The following ADGRL2 variants were observed in gnomAD, a reference collection of about 807,000 sequenced individuals.
ADGRL2 encodes the protein calcium-independent alpha-latrotoxin receptor 2.
Under a neutral mutation model 157.4 loss-of-function variants are expected in ADGRL2, and 44 were observed. That is an observed-to-expected ratio of 0.28 (90% CI 0.22 to 0.36). The LOEUF is 0.36. ADGRL2 is among the 10% of genes least tolerant of loss of function. ADGRL2 has a pLI of 1.00. For missense variants in ADGRL2, 1,510 were observed against 1,768.9 expected, an observed-to-expected ratio of 0.85 and a Z score of 2.63; for synonymous variants, 585 against 624.7, an observed-to-expected ratio of 0.94 and a Z score of 0.95.
chr1:81,491,063 A>G (rs1277076058), intron 2 of ADGRL2, among the ~76,000 whole-genome samples: 2 of 152,210 alleles, frequency 1.3e-5, no homozygotes, highest in East Asian at 1.9e-4. Context: ...AAATGTTTCC[A>G]GTAACCATTA....
chr1:81,659,256 T>A (rs1446772916), intron 3 of ADGRL2, among the ~76,000 whole-genome samples: 2 of 151,914 alleles, frequency 1.3e-5, no homozygotes, highest in Non-Finnish European at 2.9e-5. Context: ...AGAGACAGGT[T>A]TCACTATGTT....
intron 2 of ADGRL2, chr1:81,503,353 G>C (rs1026361920): frequency 1.2e-6 from 2 of 1,613,898 alleles, no homozygotes; most frequent in African/African-American, 2.7e-5. Flanking sequence ...CACGGGGTCT[G>C]CTCCCCAGAG....
intron 1 of ADGRL2, among the ~76,000 whole-genome samples, chr1:81,393,004 G>C (rs1360341481): frequency 6.6e-6 from 1 of 151,986 alleles, no homozygotes; most frequent in East Asian, 1.9e-4. Context: ...ACACTCTTTT[G>C]ATTGTTTGAT....
intron 1 of ADGRL2, among the ~76,000 whole-genome samples, chr1:81,813,618 G>C (rs536402133): frequency 6.6e-6 from 1 of 151,652 alleles, no homozygotes; most frequent in Admixed American, 6.6e-5. Context: ...TATTTCAATA[G>C]GATTAAGATG....
At chr1:81,888,285 T>G (rs2094174315) in intron 2 of ADGRL2, among the ~76,000 whole-genome samples, 1 of 152,218 alleles carries the variant, frequency 6.6e-6, no homozygotes, top group South Asian at 2.1e-4. Context: ...GAATTGAGTT[T>G]CACTTTAGTA....
intron 3 of ADGRL2, among the ~76,000 whole-genome samples, chr1:81,628,046 T>C (rs986559629): frequency 6.6e-6 from 1 of 152,172 alleles, no homozygotes; most frequent in African/African-American, 2.4e-5. Flanking sequence ...GCTCTTTCAA[T>C]GTCACCTTCA....
chr1:81,815,841 T>G (rs2090344892), intron 1 of ADGRL2, among the ~76,000 whole-genome samples: 1 of 151,402 alleles, frequency 6.6e-6, no homozygotes, highest in African/African-American at 2.4e-5. Context: ...AAAATTAGAA[T>G]AGATTTAAAA....
rs775957523 is a variant in ADGRL2, at chr1:81,993,216, A to C, written c.*2071A>C. On this transcript the variant is annotated 3_prime_UTR_variant, in exon 24 of 24. Transcript: ENST00000686636. ...TCCCAGGTTCTCAAACAGATTTAAC[A>C]ATCCTCTGAGAATGGTACTCATTTA... 8.8e-5 allele frequency among the ~76,000 whole-genome samples: 13 copies of C among 147,720 alleles called. No homozygotes were observed. The highest frequency in any genetic ancestry group is 1.6e-4 in the Non-Finnish European group (11 of 67,194).
At chr1:81,886,695 G>C (rs1374010598) in intron 2 of ADGRL2, among the ~76,000 whole-genome samples, 1 of 151,854 alleles carries the variant, frequency 6.6e-6, no homozygotes, top group Non-Finnish European at 1.5e-5. Context: ...AATATGATAG[G>C]CTTTTCAACC....
chr1:81,872,681 T>C (rs1187785059), intron 2 of ADGRL2, among the ~76,000 whole-genome samples: 4 of 152,138 alleles, frequency 2.6e-5, no homozygotes, highest in Non-Finnish European at 5.9e-5. Context: ...TTGGAAATTA[T>C]TTTAATTATT....
chr1:81,912,068 T>A (rs944415647), intron 3 of ADGRL2, among the ~76,000 whole-genome samples: 2 of 149,908 alleles, frequency 1.3e-5, no homozygotes, highest in African/African-American at 5.0e-5. Flanking sequence ...CTTTTATTTT[T>A]TTTTATTTTT....
intron 2 of ADGRL2, chr1:81,505,260 C>T (rs891428313): frequency 2.6e-5 from 14 of 534,604 alleles, no homozygotes; most frequent in African/African-American, 2.6e-4. Context: ...CCTCTGGCCT[C>T]AGCCTGCAGG....
chr1:81,695,323 T>G (rs1200437247), upstream of ADGRL2, among the ~76,000 whole-genome samples: 1 of 152,010 alleles, frequency 6.6e-6, no homozygotes, highest in Non-Finnish European at 1.5e-5. Context: ...ATAATAATAC[T>G]TTATCATTTT....
intron 3 of ADGRL2, among the ~76,000 whole-genome samples, chr1:81,934,420 T>C (rs749562113): frequency 1.2e-4 from 18 of 152,048 alleles, no homozygotes; most frequent in Non-Finnish European, 1.5e-5. Context: ...TTATATTCAT[T>C]CATCCAATTA....
At chr1:81,554,285 T>G (rs1369687229) in intron 2 of ADGRL2, among the ~76,000 whole-genome samples, 1 of 152,176 alleles carries the variant, frequency 6.6e-6, no homozygotes, top group Non-Finnish European at 1.5e-5. Flanking sequence ...AAACCAAATA[T>G]TGGCAGAGTG....
intron 1 of ADGRL2, among the ~76,000 whole-genome samples, chr1:81,817,065 T>C (rs2090477769): frequency 6.6e-6 from 1 of 151,924 alleles, no homozygotes; most frequent in African/African-American, 2.4e-5. Context: ...ATGAACGTTA[T>C]ACCCTCTAAG....
chr1:81,533,912 C>A (rs529807110), intron 2 of ADGRL2, among the ~76,000 whole-genome samples: 5 of 152,010 alleles, frequency 3.3e-5, no homozygotes, highest in Admixed American at 6.6e-5. Flanking sequence ...GCCTTCCTAG[C>A]CTAAAAGAAA....
At chr1:81,324,307 C>T (rs903435654) in intron 1 of ADGRL2, among the ~76,000 whole-genome samples, 1 of 150,850 alleles carries the variant, frequency 6.6e-6, no homozygotes, top group East Asian at 2.0e-4. Flanking sequence ...AGTTCAAGAG[C>T]AGCCCAGGCA....
At chr1:81,666,455 T>C (rs556622549) in intron 3 of ADGRL2, among the ~76,000 whole-genome samples, 4 of 152,346 alleles carry the variant, frequency 2.6e-5, no homozygotes, top group African/African-American at 9.6e-5. Context: ...TGGTAACTGC[T>C]GAAGGACATC....
Sources: gnomAD v4.1 joint callset for allele counts (sites outside exome capture counted in the v4.1 genomes callset) on GRCh38, gnomAD v4.1.1 for gene constraint, MANE v1.5 for transcripts, NCBI Gene and HGNC (gene_info 2026-07-23, HGNC 2026-07-21) for gene names.